Variants in CNTNAP5 observed in about 807,000 individuals in gnomAD.
CNTNAP5 encodes contactin associated protein family member 5.
CNTNAP5 carries 72 observed loss-of-function variants against 150.2 expected under a neutral mutation model. The ratio of observed to expected loss-of-function variants is 0.48; its 90% CI spans 0.40 to 0.58. CNTNAP5 has a LOEUF of 0.58. CNTNAP5 is among the 20% of genes least tolerant of loss of function. The probability of loss-of-function intolerance (pLI) is 0.00; values close to 1 mark genes in which losing one functional copy is unlikely to be tolerated. For missense variants in CNTNAP5, 1,636 were observed against 1,626.2 expected (o/e 1.01, Z -0.10); for synonymous variants, 672 against 619.8 (o/e 1.08, Z -1.25).
At chr2:124,685,767 C>T (rs77208335) in intron 13 of CNTNAP5, among the ~76,000 whole-genome samples, 35,618 of 150,758 alleles carry the variant, frequency 0.24, 4,676 homozygotes, top group African/African-American at 0.36. Flanking sequence ...TGTGTGCGCG[C>T]GCGTGTTATT....
intron 20 of CNTNAP5, among the ~76,000 whole-genome samples, chr2:124,867,996 G>A (rs1448689903): frequency 6.6e-6 from 1 of 152,112 alleles, no homozygotes; most frequent in Non-Finnish European, 1.5e-5. Flanking sequence ...TTTCAAAATT[G>A]TGGTATTCTC....
At chr2:124,556,301 T>C (rs2104923169) in intron 10 of CNTNAP5, among the ~76,000 whole-genome samples, 2 of 152,282 alleles carry the variant, frequency 1.3e-5, no homozygotes, top group East Asian at 3.9e-4. Context: ...AATAATACCA[T>C]TAAAGCAACA....
chr2:124,078,969 GA>G (rs1338813771), intron 1 of CNTNAP5, among the ~76,000 whole-genome samples: 3 of 152,142 alleles, frequency 2.0e-5, no homozygotes, highest in African/African-American at 7.2e-5. Flanking sequence ...ACATCTAAAC[GA>G]AAACCACCTC....
rs541925195 is a variant in CNTNAP5 at position 124,092,629 on chromosome 2, C to T, written c.82+66897C>T. On this transcript the variant is annotated intron_variant, in intron 1 of 23. Coordinates refer to ENST00000682447, the MANE Select transcript of CNTNAP5 (RefSeq NM_001367498.1). ...GTTTCCTCAACATTTTTCTCTTTGC[C>T]GTAGTTCAATTTCTCAGACACTTGC... is the stretch of plus-strand genomic sequence containing the variant. Among the ~76,000 whole-genome samples the T allele has an allele frequency of 3.3e-4, 51 of 152,286 alleles. 1 individual carries two copies. Among genetic ancestry groups the T allele is most frequent in the African/African-American group, 1.0e-3 (43 of 41,566 alleles).
At chr2:124,612,730 T>C (rs915678786) in intron 12 of CNTNAP5, among the ~76,000 whole-genome samples, 2 of 152,186 alleles carry the variant, frequency 1.3e-5, no homozygotes, top group Non-Finnish European at 2.9e-5. Context: ...ATGTCTAACT[T>C]TCTGTTTTTG....
chr2:124,737,043 A>T (rs1680398057), intron 13 of CNTNAP5, among the ~76,000 whole-genome samples: 1 of 152,286 alleles, frequency 6.6e-6, no homozygotes, highest in Admixed American at 6.5e-5. Context: ...CTGTAATCTC[A>T]GTACTTTGGG....
chr2:124,032,087 GA>G (rs1681069047), intron 1 of CNTNAP5, among the ~76,000 whole-genome samples: 1 of 152,120 alleles, frequency 6.6e-6, no homozygotes, highest in African/African-American at 2.4e-5. Flanking sequence ...AAGAAACTTT[GA>G]ACACTTGGTA....
chr2:124,774,852 GTT>G (rs1287564837), intron 17 of CNTNAP5, among the ~76,000 whole-genome samples: 1 of 152,192 alleles, frequency 6.6e-6, no homozygotes, highest in African/African-American at 2.4e-5. Flanking sequence ...ATGTGATAAA[GTT>G]TGCGCAAGTC....
intron 1 of CNTNAP5, among the ~76,000 whole-genome samples, chr2:124,138,366 G>A (rs17010919): frequency 0.013 from 2,004 of 152,272 alleles, 44 homozygotes; most frequent in African/African-American, 0.046. Context: ...TCAATATCCT[G>A]TTTTCATTCA....
intron 3 of CNTNAP5, among the ~76,000 whole-genome samples, chr2:124,362,720 G>T (rs535628288): frequency 3.9e-5 from 6 of 152,278 alleles, no homozygotes; most frequent in Admixed American, 3.9e-4. Flanking sequence ...CTCAGCCTCA[G>T]ATTTGACCTT....
intron 13 of CNTNAP5, among the ~76,000 whole-genome samples, chr2:124,692,435 T>A (rs1263140842): frequency 6.6e-6 from 1 of 152,154 alleles, no homozygotes; most frequent in Non-Finnish European, 1.5e-5. Flanking sequence ...ATCTGGCCTT[T>A]TACAGAAAAA....
At chr2:124,625,032 G>T (rs747175976) in intron 12 of CNTNAP5, among the ~76,000 whole-genome samples, 1 of 152,248 alleles carries the variant, frequency 6.6e-6, no homozygotes, top group Admixed American at 6.5e-5. Flanking sequence ...GGAAGCTATG[G>T]GTGAGGTTGT....
chr2:124,771,610 TTTG>T (rs2104609728), intron 16 of CNTNAP5, among the ~76,000 whole-genome samples: 1 of 152,148 alleles, frequency 6.6e-6, no homozygotes, highest in South Asian at 2.1e-4. Flanking sequence ...TGGCATAGAG[TTTG>T]TTGTTCCCAC....
chr2:124,190,946 C>T (rs1483475491), intron 1 of CNTNAP5, among the ~76,000 whole-genome samples: 1 of 152,122 alleles, frequency 6.6e-6, no homozygotes, highest in Non-Finnish European at 1.5e-5. Context: ...GGGAGGATAC[C>T]ACTCCATGTG....
chr2:124,754,850 G>C (rs145890787), intron 14 of CNTNAP5, among the ~76,000 whole-genome samples: 1,907 of 151,764 alleles, frequency 0.013, 48 homozygotes, highest in African/African-American at 0.043. Context: ...ATTGTGCCCA[G>C]CCTACATTTT....
intron 19 of CNTNAP5, among the ~76,000 whole-genome samples, chr2:124,852,890 G>T (rs887823722): frequency 6.6e-6 from 1 of 152,186 alleles, no homozygotes; most frequent in Non-Finnish European, 1.5e-5. Context: ...AACAAGTATG[G>T]CTCCTAGAAT....
chr2:124,879,874 A>C (rs2104736416), intron 21 of CNTNAP5, among the ~76,000 whole-genome samples: 1 of 152,224 alleles, frequency 6.6e-6, no homozygotes, highest in Admixed American at 6.5e-5. Context: ...TGAAGTAAAA[A>C]GGATCCAAGC....
intron 1 of CNTNAP5, among the ~76,000 whole-genome samples, chr2:124,152,334 C>A (rs1331409118): frequency 6.6e-6 from 1 of 152,122 alleles, no homozygotes; most frequent in Non-Finnish European, 1.5e-5. Context: ...ATCCACGTCC[C>A]ATTGAATTTC....
chr2:124,719,882 T>C (rs566360259), intron 13 of CNTNAP5, among the ~76,000 whole-genome samples: 13 of 152,298 alleles, frequency 8.5e-5, no homozygotes, highest in Admixed American at 2.0e-4. Context: ...GTAATGAGAT[T>C]GGTCTTTGAA....
Sources: allele counts gnomAD v4.1 joint callset (sites outside exome capture counted in the v4.1 genomes callset), GRCh38; gene constraint gnomAD v4.1.1; transcripts MANE v1.5; gene names NCBI Gene and HGNC (gene_info 2026-07-23, HGNC 2026-07-21).